ZNF556: variants seen among roughly 807,000 people sequenced by gnomAD.
ZNF556 encodes zinc finger protein 556.
ZNF556 carries 11 observed loss-of-function variants against 13.6 expected under a neutral mutation model. The ratio of observed to expected loss-of-function variants is 0.81; its 90% CI spans 0.51 to 1.33. The LOEUF is 1.33. Ranked by LOEUF, ZNF556 falls within the 40% of genes most tolerant of loss-of-function variation. ZNF556 has a pLI of 0.00. For synonymous variants in ZNF556, 229 were observed against 207.8 expected (o/e 1.10, Z -0.88); for missense variants, 633 against 566.2 (o/e 1.12, Z -1.20).
Position 2,877,342 on chromosome 19 carries a change from G to C in ZNF556, c.384G>C (p.Lys128Asn), listed in dbSNP as rs1469075962. 3.1e-6 allele frequency: 5 copies of C among 1,614,216 alleles called. No homozygotes were observed. Among genetic ancestry groups the C allele is most frequent in the Non-Finnish European group, 4.2e-6 (5 of 1,180,046 alleles). The change falls in exon 4 of 4, where the codon AAG (lysine) becomes AAC (asparagine). Residue 128 changes from lysine to asparagine, a missense_variant. Coordinates refer to ENST00000307635, the MANE Select transcript of ZNF556 (RefSeq NM_024967.3). ...KGNKRGRTFRKTRNCNRHLRK... is the reference protein window; with the variant it reads ...KGNKRGRTFRNTRNCNRHLRK... ...ATAAACGTGGAAGAACCTTCAGAAA[G>C]ACTCGAAATTGTAATCGTCATCTGC...
chr19:2,876,408 G>A lies in ZNF556; in HGVS notation c.314+132G>A, dbSNP rs776962042. Reference sequence around the variant, plus strand: ...AGTTTGTGACCAGCCTGACCCATATGGTGAAACCTTGTCTCTACTAAAAAT... The same window carrying A: ...AGTTTGTGACCAGCCTGACCCATATAGTGAAACCTTGTCTCTACTAAAAAT... On this transcript the variant is annotated intron_variant, in intron 3 of 3. Transcript: ENST00000307635. The A allele has an allele frequency of 9.8e-5, 85 of 866,336 alleles. 1 individual carries two copies. The highest frequency in any genetic ancestry group is 1.3e-4 in the Non-Finnish European group (75 of 590,014). The allele number at this position is 866,336 out of a possible 1,614,324, so 53.7% of individuals were successfully genotyped here.
In ZNF556 at chr19:2,876,113, G is replaced by A; in HGVS notation, c.151G>A (p.Ala51Thr). ...ASVDNEAQLK[A>T]SGSISQQDTS... ...TTCAGATAATGAGGCTCAGCTTAAA[G>A]CCAGTGGGTCTATTTCTCAGCAGGA... Residue 51 changes from alanine (A) to threonine (T), a missense_variant, in exon 3 of 4, where the codon GCC becomes ACC. Coordinates refer to ENST00000307635, the MANE Select transcript of ZNF556 (RefSeq NM_024967.3). The A allele has an allele frequency of 6.2e-7, 1 of 1,610,042 alleles. No individual in the cohort carries two copies. Among genetic ancestry groups the A allele is most frequent in the Non-Finnish European group, 8.5e-7 (1 of 1,179,032 alleles).
In ZNF556 at chr19:2,878,970, T is replaced by TA. The variant is rs1269049006; in HGVS notation, c.*641_*642insA. The stretch of plus-strand genomic sequence containing the variant: ...ATGCATTAACTTTAATTTTTATATA[T>TA]TTTTTTTGTTACTCCGTGTGAGGCC... On this transcript the variant is annotated 3_prime_UTR_variant, in exon 4 of 4. Transcript: ENST00000307635. 1.3e-5 allele frequency: 2 copies of TA among 151,964 alleles called. No individual in the cohort carries two copies. Among genetic ancestry groups the TA allele is most frequent in the African/African-American group, 2.4e-5 (1 of 41,402 alleles). The allele number at this position is 151,964 out of a possible 1,614,324, so 9.4% of individuals were successfully genotyped here.
At chr19:2,872,825 A>G (rs2087816236) in intron 1 of ZNF556, among the ~76,000 whole-genome samples, 1 of 151,434 alleles carries the variant, frequency 6.6e-6, no homozygotes. Flanking sequence ...TCTCAAAAAA[A>G]AAAAAAAAAA....
Position 2,877,132 on chromosome 19 carries a change from C to T in ZNF556, c.315-141C>T. On this transcript the variant is annotated intron_variant, in intron 3 of 3. Coordinates refer to ENST00000307635, the MANE Select transcript of ZNF556 (RefSeq NM_024967.3). ...GGAGGCTGAGACAGAATTGTTTGAA[C>T]CTGGGAGGCAGAGGTTGCAGTGAGC... 8 of 632,300 alleles carry T rather than the reference C, an allele frequency of 1.3e-5. No individual in the cohort carries two copies. In the South Asian group the frequency reaches 1.8e-4, roughly 14 times the overall value. The allele number at this position is 632,300 out of a possible 1,614,324, so 39.2% of individuals were successfully genotyped here. A position where few individuals can be genotyped will look rare whatever the true frequency, so the allele number is the denominator to read the frequency against.
chr19:2,882,529 A>ATG lies in ZNF556; in HGVS notation c.*4201_*4202insGT, dbSNP rs2087911715. On this transcript the variant is annotated 3_prime_UTR_variant, in exon 4 of 4. Transcript: ENST00000307635. ...GTATACATTTTATATATATATATATATAGTGTGTGTGTGTGTGTGTGTGTG... is the reference window on the plus strand; with the variant it reads ...GTATACATTTTATATATATATATATATGTAGTGTGTGTGTGTGTGTGTGTGTG... 1 of 91,082 alleles carries ATG rather than the reference A, an allele frequency of 1.1e-5. No homozygotes were observed. The highest frequency in any genetic ancestry group is 4.2e-5 in the African/African-American group (1 of 24,084). 5.6% of individuals were successfully genotyped at this position (91,082 alleles called of 1,614,324 possible). A position where few individuals can be genotyped will look rare whatever the true frequency, so the allele number is the denominator to read the frequency against.
rs2087869694 is a variant in ZNF556, at chr19:2,877,796, A to G, written c.838A>G (p.Met280Val). The G allele has an allele frequency of 6.2e-7, 1 of 1,614,182 alleles. No individual in the cohort carries two copies. Among genetic ancestry groups the G allele is most frequent in the East Asian group, 2.2e-5 (1 of 44,886 alleles). The change falls in exon 4 of 4, where the codon ATG becomes GTG. Residue 280 changes from methionine to valine, a missense_variant. Met to Val is a conservative substitution (Grantham distance 21, BLOSUM62 1). Transcript: ENST00000307635. ...CQKSFRVHMIMHAGGRPYECK... is the reference protein window; with the variant it reads ...CQKSFRVHMIVHAGGRPYECK... ...GAAATCCTTTCGAGTCCATATGATC[A>G]TGCACGCCGGAGGGAGACCGTATGA...
chr19:2,868,865 C>T (rs890042816), intron 1 of ZNF556, among the ~76,000 whole-genome samples: 4 of 151,522 alleles, frequency 2.6e-5, no homozygotes, highest in East Asian at 1.9e-4. Context: ...ATTACAGGCA[C>T]GTGTGGCCAC....
chr19:2,872,058 T>G (rs2087807288), intron 1 of ZNF556, among the ~76,000 whole-genome samples: 1 of 152,172 alleles, frequency 6.6e-6, no homozygotes, highest in Non-Finnish European at 1.5e-5. Context: ...GCTACTGCTA[T>G]CTAGAAGGCA....
intron 1 of ZNF556, among the ~76,000 whole-genome samples, chr19:2,867,718 A>C (rs1188606711): frequency 2.6e-4 from 35 of 135,368 alleles, no homozygotes; most frequent in African/African-American, 9.9e-4. Flanking sequence ...AGTACAAAAA[A>C]CAAAACAAAA....
chr19:2,880,887 G>C lies in ZNF556; in HGVS notation c.*2558G>C, dbSNP rs1293463748. 5.0e-5 allele frequency: 3 copies of C among 60,470 alleles called. No homozygotes were observed. The highest frequency in any genetic ancestry group is 4.7e-4 in the Admixed American group (3 of 6,338). The allele number at this position is 60,470 out of a possible 1,614,324, so 3.7% of individuals were successfully genotyped here. A position where few individuals can be genotyped will look rare whatever the true frequency, so the allele number is the denominator to read the frequency against. On this transcript the variant is annotated 3_prime_UTR_variant, in exon 4 of 4. Transcript: ENST00000307635. ...CTAAGAAATTCTTTTTTTTTTTTTT[G>C]AGACAGATTCTCGCTCTGTTACCCA...
intron 1 of ZNF556, 27 bp downstream of exon 1, chr19:2,867,451 G>T: frequency 6.3e-7 from 1 of 1,580,000 alleles, no homozygotes. Flanking sequence ...AGCCGAGCCG[G>T]AGCCGGAGCC....
Position 2,878,074 on chromosome 19 carries a change from T to G in ZNF556, c.1116T>G (p.Cys372Trp), listed in dbSNP as rs1422114190. ...KSQTREKVYK[C>W]ETCGKTYGWS... ...AAACTAGAGAGAAAGTCTATAAATG[T>G]GAAACGTGTGGGAAAACGTATGGTT... Residue 372 changes from cysteine to tryptophan, a missense_variant, in exon 4 of 4, where the codon TGT becomes TGG. Physicochemically the swap from Cys to Trp is radical, Grantham distance 215 (BLOSUM62 -2). Transcript: ENST00000307635. 4.3e-6 allele frequency: 7 copies of G among 1,614,026 alleles called. No homozygotes were observed. The highest frequency in any genetic ancestry group is 5.1e-6 in the Non-Finnish European group (6 of 1,180,046).
intron 1 of ZNF556, among the ~76,000 whole-genome samples, chr19:2,868,761 C>T (rs2087778138): frequency 6.6e-6 from 1 of 151,330 alleles, no homozygotes; most frequent in Admixed American, 6.6e-5. Context: ...CTCTGTCACC[C>T]AGGCTGGAGT....
Position 2,877,836 on chromosome 19 carries a change from G to A in ZNF556, c.878G>A (p.Gly293Glu). 2 of 1,614,212 alleles carry A rather than the reference G, an allele frequency of 1.2e-6. No homozygotes were observed. Among genetic ancestry groups the A allele is most frequent in the Non-Finnish European group, 8.5e-7 (1 of 1,180,046 alleles). The change falls in exon 4 of 4, where the codon GGG becomes GAG. Residue 293 changes from glycine (G) to glutamate (E), a missense_variant. Transcript: ENST00000307635. ...GGRPYECKQC[G>E]KAYCWATSFQ... ...AGACCGTATGAGTGCAAGCAGTGTGGGAAAGCCTACTGCTGGGCAACATCC... is the reference window on the plus strand; with the variant it reads ...AGACCGTATGAGTGCAAGCAGTGTGAGAAAGCCTACTGCTGGGCAACATCC...
chr19:2,877,221 A>G, intron 3 of ZNF556, 52 bp from the exon 4 acceptor site: 6 of 1,467,912 alleles, frequency 4.1e-6, no homozygotes, highest in Non-Finnish European at 5.5e-6. Context: ...AAGGAAAAAA[A>G]AAAAGAAATT....
Position 2,882,565 on chromosome 19 carries a change from T to TGTGTGA in ZNF556, c.*4237_*4238insTGTGAG, listed in dbSNP as rs1441523569. On this transcript the variant is annotated 3_prime_UTR_variant, in exon 4 of 4. Coordinates refer to ENST00000307635, the MANE Select transcript of ZNF556 (RefSeq NM_024967.3). ...GTGTGTGTGTGTGTGTGTGTGTGTG[T>TGTGTGA]GAATGTGTGTGACGGAGTTTTGCTC... The TGTGTGA allele has an allele frequency of 6.0e-5, 9 of 151,032 alleles. No homozygotes were observed. Among genetic ancestry groups the TGTGTGA allele is most frequent in the African/African-American group, 1.7e-4 (7 of 40,584 alleles). The allele number at this position is 151,032 out of a possible 1,614,324, so 9.4% of individuals were successfully genotyped here. A position where few individuals can be genotyped will look rare whatever the true frequency, so the allele number is the denominator to read the frequency against.
Position 2,877,147 on chromosome 19 carries a change from T to C in ZNF556, c.315-126T>C. On this transcript the variant is annotated intron_variant, in intron 3 of 3. Coordinates refer to ENST00000307635, the MANE Select transcript of ZNF556 (RefSeq NM_024967.3). The stretch of plus-strand genomic sequence containing the variant: ...ATTGTTTGAACCTGGGAGGCAGAGG[T>C]TGCAGTGAGCCAAGATCATGCCACT... 7.1e-6 allele frequency: 5 copies of C among 706,412 alleles called. No homozygotes were observed. In the East Asian group the frequency reaches 1.4e-4, roughly 20 times the overall value. The allele number at this position is 706,412 out of a possible 1,614,324, so 43.8% of individuals were successfully genotyped here.
intron 1 of ZNF556, among the ~76,000 whole-genome samples, chr19:2,871,140 G>A (rs2087799870): frequency 6.6e-6 from 1 of 151,486 alleles, no homozygotes; most frequent in Non-Finnish European, 1.5e-5. Context: ...CTCCAGCCTG[G>A]GCGACAGAGT....
Sources: gnomAD v4.1 joint callset for allele counts (sites outside exome capture counted in the v4.1 genomes callset) on GRCh38, gnomAD v4.1.1 for gene constraint, MANE v1.5 for transcripts, NCBI Gene and HGNC (gene_info 2026-07-23, HGNC 2026-07-21) for gene names.